Variants in FAF2 observed in about 807,000 individuals in gnomAD.
FAF2 encodes FAS-associated factor 2.
Under a neutral mutation model 62.3 loss-of-function variants are expected in FAF2, and 9 were observed. The observed-to-expected ratio is 0.14, with a 90% CI of 0.09 to 0.25. The LOEUF (loss-of-function observed/expected upper bound fraction) is 0.25. FAF2 is among the 10% of genes least tolerant of loss of function. FAF2 has a pLI of 1.00. For missense variants in FAF2, 368 were observed against 556.2 expected (o/e 0.66, Z 3.40); for synonymous variants, 202 against 198.0 (o/e 1.02, Z -0.17).
intron 4 of FAF2, among the ~76,000 whole-genome samples, chr5:176,490,447 A>G (rs892957131): frequency 6.6e-6 from 1 of 152,144 alleles, no homozygotes. Flanking sequence ...AGGCCAGCAG[A>G]TGGAGCTGGG....
At chr5:176,474,635 G>A (rs1348505426) in intron 1 of FAF2, among the ~76,000 whole-genome samples, 1 of 152,112 alleles carries the variant, frequency 6.6e-6, no homozygotes, top group Non-Finnish European at 1.5e-5. Flanking sequence ...TGCATATGTT[G>A]GCCTTCTGCC....
In FAF2 at chr5:176,479,205, A is replaced by T; in HGVS notation, c.81A>T (p.Glu27Asp). The change falls in exon 2 of 11, where the codon GAA becomes GAT. Residue 27 changes from glutamate (E) to aspartate (D), a missense_variant. Glu to Asp is a conservative substitution (Grantham distance 45, BLOSUM62 2). This residue lies in a region of FAF2 where 331 missense variants were observed against 441.9 expected (regional missense o/e 0.75). Transcript: ENST00000261942. ...CTTTTCAGGATCTCACTGGCATCGA[A>T]TCTATGGATCAGTGTCGCCATACCT... ...LLQFQDLTGIESMDQCRHTLE... is the reference protein window; with the variant it reads ...LLQFQDLTGIDSMDQCRHTLE... 6 of 1,614,010 alleles carry T rather than the reference A, an allele frequency of 3.7e-6. No individual in the cohort carries two copies. Among genetic ancestry groups the T allele is most frequent in the Non-Finnish European group, 5.1e-6 (6 of 1,179,938 alleles).
In FAF2 at chr5:176,509,104, A is replaced by C. The variant is rs1010547309; in HGVS notation, c.*2154A>C. 6.6e-6 allele frequency: 1 copy of C among 152,184 alleles called. No individual in the cohort carries two copies. The highest frequency in any genetic ancestry group is 1.5e-5 in the Non-Finnish European group (1 of 68,056). The allele number at this position is 152,184 out of a possible 1,614,324, so 9.4% of individuals were successfully genotyped here. ...CTCCCTTTATGTCAGTACAACTGTT[A>C]GGGCGGCCTTCCCATTTACTTTAGG... On this transcript the variant is annotated 3_prime_UTR_variant, in exon 11 of 11. Coordinates refer to ENST00000261942, the MANE Select transcript of FAF2 (RefSeq NM_014613.3).
At chr5:176,498,293 G>A (rs1233962886) in intron 8 of FAF2, among the ~76,000 whole-genome samples, 1 of 152,164 alleles carries the variant, frequency 6.6e-6, no homozygotes, top group Non-Finnish European at 1.5e-5. Context: ...TCATTGAATT[G>A]TACATTTAAG....
At position 176,496,648 on chromosome 5, in the gene FAF2, C is replaced by T. The variant is rs764514819; in HGVS notation, c.824C>T (p.Ser275Leu). The T allele has an allele frequency of 6.3e-7, 1 of 1,591,924 alleles. No homozygotes were observed. Among genetic ancestry groups the T allele is most frequent in the South Asian group, 1.1e-5 (1 of 88,022 alleles). ...IMDANQTYLV[S>L]ERLEREERNQ... Reference sequence around the variant, plus strand: ...GATGCTAACCAGACTTACCTGGTGTCAGAACGCCTAGAAAGGTACAAGGGA... The same window carrying T: ...GATGCTAACCAGACTTACCTGGTGTTAGAACGCCTAGAAAGGTACAAGGGA... Residue 275 changes from serine (S) to leucine (L), a missense_variant, in exon 8 of 11, where the codon TCA becomes TTA. By Grantham distance (145) the Ser-to-Leu change is moderately radical (BLOSUM62 -2). Coordinates refer to ENST00000261942, the MANE Select transcript of FAF2 (RefSeq NM_014613.3).
chr5:176,462,238 T>C (rs1008779872), intron 1 of FAF2, among the ~76,000 whole-genome samples: 3 of 151,840 alleles, frequency 2.0e-5, no homozygotes, highest in Non-Finnish European at 2.9e-5. Context: ...ATCGCAACAT[T>C]GCACTCCAGC....
chr5:176,477,573 G>A (rs1758725573), intron 1 of FAF2, among the ~76,000 whole-genome samples: 1 of 152,108 alleles, frequency 6.6e-6, no homozygotes, highest in Admixed American at 6.5e-5. Flanking sequence ...AACTGTCAAA[G>A]CCAGTGGTTC....
rs993021840 is a variant in FAF2 at position 176,472,735 on chromosome 5, A to G, written c.64-6453A>G. On this transcript the variant is annotated intron_variant, in intron 1 of 10. Coordinates refer to ENST00000261942, the MANE Select transcript of FAF2 (RefSeq NM_014613.3). ...TCATCTCTACAAAAAAAAAAAAAAA[A>G]GAAAAGAAAGAAAGAAAAAAGAAAG... 1.6e-4 allele frequency among the ~76,000 whole-genome samples: 23 copies of G among 147,706 alleles called. 1 individual carries two copies. In the South Asian group the frequency reaches 2.4e-3, roughly 15 times the overall value.
chr5:176,478,509 G>A (rs1476232389), intron 1 of FAF2, among the ~76,000 whole-genome samples: 1 of 151,966 alleles, frequency 6.6e-6, no homozygotes, highest in African/African-American at 2.4e-5. Context: ...TAGGGGGGTC[G>A]GTATGTTAGG....
intron 8 of FAF2, among the ~76,000 whole-genome samples, chr5:176,498,665 GTTTTA>G (rs770017978): frequency 1.2e-4 from 19 of 152,154 alleles, no homozygotes; most frequent in Non-Finnish European, 2.5e-4. Context: ...TAGGGGAAAA[GTTTTA>G]TTTTAAAAGA....
chr5:176,475,628 C>T (rs948942007), intron 1 of FAF2, among the ~76,000 whole-genome samples: 29 of 152,162 alleles, frequency 1.9e-4, no homozygotes, highest in African/African-American at 6.7e-4. Flanking sequence ...ACTAGCCAGG[C>T]GTGGTGGCAG....
At chr5:176,495,557 G>A (rs1400001096) in intron 7 of FAF2, among the ~76,000 whole-genome samples, 1 of 146,422 alleles carries the variant, frequency 6.8e-6, no homozygotes, top group Non-Finnish European at 1.5e-5. Flanking sequence ...TGTCACCCAG[G>A]TTGGAGTGCA....
intron 1 of FAF2, among the ~76,000 whole-genome samples, 158 bp downstream of exon 1, chr5:176,448,628 C>G (rs1198601802): frequency 1.3e-5 from 2 of 151,948 alleles, no homozygotes; most frequent in Admixed American, 1.3e-4. Flanking sequence ...TCCCCCGGCC[C>G]CCAAGCCTCT....
intron 1 of FAF2, among the ~76,000 whole-genome samples, chr5:176,463,830 A>G (rs1405937731): frequency 7.1e-6 from 1 of 141,748 alleles, no homozygotes; most frequent in Non-Finnish European, 1.5e-5. Context: ...CCCGGGTTTG[A>G]GTGATTCTTC....
chr5:176,460,556 T>TA (rs1581469023), intron 1 of FAF2, among the ~76,000 whole-genome samples: 17 of 98,294 alleles, frequency 1.7e-4, no homozygotes, highest in Admixed American at 1.1e-3. Context: ...GTGTGTGTAT[T>TA]TTTTTTTTCC....
chr5:176,468,792 A>G (rs949021559), intron 1 of FAF2, among the ~76,000 whole-genome samples: 1 of 151,764 alleles, frequency 6.6e-6, no homozygotes, highest in East Asian at 1.9e-4. Context: ...AAACAAAAAA[A>G]AAAAAGGTGG....
At chr5:176,465,922 C>T (rs1481040141) in intron 1 of FAF2, among the ~76,000 whole-genome samples, 1 of 152,132 alleles carries the variant, frequency 6.6e-6, no homozygotes. Context: ...AGAATCTGGA[C>T]TTTGGAAGTA....
intron 1 of FAF2, among the ~76,000 whole-genome samples, chr5:176,455,708 T>C (rs144202559): frequency 0.056 from 7,777 of 137,716 alleles, 677 homozygotes; most frequent in African/African-American, 0.19. Context: ...AAGGTCGCAC[T>C]AGTGCACTCC....
chr5:176,507,015 C>A lies in FAF2; in HGVS notation c.*65C>A. On this transcript the variant is annotated 3_prime_UTR_variant, in exon 11 of 11. Transcript: ENST00000261942. Reference sequence around the variant, plus strand: ...AAGAAATGGGGAAAAAAGAAAACAACAGCAAGTCAGAAAAAAAAAACAAGA... The same window carrying A: ...AAGAAATGGGGAAAAAAGAAAACAAAAGCAAGTCAGAAAAAAAAAACAAGA... 8.8e-7 allele frequency: 1 copy of A among 1,131,098 alleles called. No individual in the cohort carries two copies. The highest frequency in any genetic ancestry group is 1.2e-6 in the Non-Finnish European group (1 of 852,112). 70.1% of individuals were successfully genotyped at this position (1,131,098 alleles called of 1,614,324 possible).
Sources: gnomAD v4.1 joint callset for allele counts (sites outside exome capture counted in the v4.1 genomes callset) on GRCh38, gnomAD v4.1.1 for gene constraint, gnomAD v4.1.1 regional missense constraint, MANE v1.5 for transcripts, NCBI Gene and HGNC (gene_info 2026-07-23, HGNC 2026-07-21) for gene names.